The following SEC16A variants were observed in gnomAD, a reference collection of about 807,000 sequenced individuals.
SEC16A encodes the protein SEC16 homolog A, endoplasmic reticulum export factor.
A neutral mutation model predicts 221.9 loss-of-function variants in SEC16A; 110 were observed. The observed-to-expected ratio is 0.50, with a 90% CI of 0.42 to 0.58. The LOEUF (loss-of-function observed/expected upper bound fraction) is 0.58, where lower values mean the gene tolerates loss of function less well. Ranked by LOEUF, SEC16A falls within the 20% of genes least tolerant of loss-of-function variation. SEC16A has a pLI of 0.00. For synonymous variants in SEC16A, 1,393 were observed against 1,257.7 expected, an observed-to-expected ratio of 1.11 and a Z score of -2.28; for missense variants, 3,165 against 3,097.8, an observed-to-expected ratio of 1.02 and a Z score of -0.52.
At chr9:136,443,786 T>A in intron 31 of SEC16A, 37 bp downstream of exon 31, 1 of 1,538,252 alleles carries the variant, frequency 6.5e-7, no homozygotes, top group Non-Finnish European at 9.0e-7. Context: ...TCAGTGGGCG[T>A]GTTAGGGTCT....
upstream of SEC16A, chr9:136,483,835 G>T (rs1030444476): frequency 3.1e-6 from 3 of 979,298 alleles, no homozygotes; most frequent in South Asian, 4.7e-5. Flanking sequence ...CGGAGCTGCG[G>T]GACGCGGAGG....
chr9:136,449,737 C>G (rs1289014399), intron 23 of SEC16A, among the ~76,000 whole-genome samples: 1 of 152,212 alleles, frequency 6.6e-6, no homozygotes, highest in African/African-American at 2.4e-5. Flanking sequence ...GACAAGCTGT[C>G]CCGGGGAGGC....
intron 3 of SEC16A, among the ~76,000 whole-genome samples, chr9:136,473,567 T>C (rs151193413): frequency 8.5e-5 from 13 of 152,390 alleles, no homozygotes; most frequent in Admixed American, 2.0e-4. Flanking sequence ...AGCTGATGCG[T>C]GTGGCTCATG....
Position 136,477,061 on chromosome 9 carries a change from G to C in SEC16A, c.555C>G (p.Pro185=), listed in dbSNP as rs1195812950. 1 of 1,613,836 alleles carries C rather than the reference G, an allele frequency of 6.2e-7. No homozygotes were observed. Among genetic ancestry groups the C allele is most frequent in the Non-Finnish European group, 8.5e-7 (1 of 1,179,900 alleles). The change falls in exon 3 of 32, where the codon CCC becomes CCG. Residue 185 remains proline (P), a synonymous_variant. Transcript: ENST00000684901. ...CGTCATGTGGGTTTTGCCTGCTCAG[G>C]GGTCGGTCGAGCCCAGGCATGTTCC... ...PHGNMPGLDR[P]LSRQNPHDGV...
chr9:136,477,930 T>C (rs1174558815), intron 2 of SEC16A, among the ~76,000 whole-genome samples: 3 of 152,078 alleles, frequency 2.0e-5, no homozygotes, highest in Non-Finnish European at 1.5e-5. Context: ...TATGTCTAGA[T>C]GGCCACTCCC....
rs781730743 is a variant in SEC16A at position 136,463,617 on chromosome 9, A to G, written c.4509-16T>C. The G allele has an allele frequency of 1.0e-4, 163 of 1,613,638 alleles. No homozygotes were observed. The highest frequency in any genetic ancestry group is 7.6e-6 in the Non-Finnish European group (9 of 1,179,786). ...GGTGTCGTCTCTGCAGAAAGAACAC[A>G]CAGTGAGCAGTGATGTCTGCAAGGC... On this transcript the variant is annotated splice_polypyrimidine_tract_variant and intron_variant, in intron 10 of 31. Transcript: ENST00000684901.
Position 136,463,250 on chromosome 9 carries a change from G to C in SEC16A, c.4648-118C>G, listed in dbSNP as rs930721005. On this transcript the variant is annotated intron_variant, in intron 11 of 31. Coordinates refer to ENST00000684901, the MANE Select transcript of SEC16A (RefSeq NM_014866.2). ...AGCCAGACCCACAACTACCCGAAAGGCTGGCAAGGCTGGGCTGAAACCTCA... is the reference window on the plus strand; with the variant it reads ...AGCCAGACCCACAACTACCCGAAAGCCTGGCAAGGCTGGGCTGAAACCTCA... 2.1e-6 allele frequency: 3 copies of C among 1,417,060 alleles called. No individual in the cohort carries two copies. The African/African-American group carries it at 4.2e-5, about 20-fold the overall frequency. The allele number at this position is 1,417,060 out of a possible 1,614,324, so 87.8% of individuals were successfully genotyped here. A position where few individuals can be genotyped will look rare whatever the true frequency, so the allele number is the denominator to read the frequency against.
Position 136,476,381 on chromosome 9 carries a change from G to A in SEC16A, c.1235C>T (p.Pro412Leu), listed in dbSNP as rs776293499. 59 of 1,612,678 alleles carry A rather than the reference G, an allele frequency of 3.7e-5. 1 individual carries two copies. The South Asian group carries it at 4.3e-4, about 12-fold the overall frequency. Residue 412 changes from proline (P) to leucine (L), a missense_variant, in exon 3 of 32, where the codon CCG becomes CTG. Physicochemically the swap from Pro to Leu is moderately conservative, Grantham distance 98 (BLOSUM62 -3). Around this residue, in one of 3 missense-constraint regions of SEC16A, gnomAD observed 2,030 missense variants for 1,923.1 expected, o/e 1.06. Coordinates refer to ENST00000684901, the MANE Select transcript of SEC16A (RefSeq NM_014866.2). ...TGCCCCCACGTGTGTAGGTGCGGGC[G>A]GACGGCCTAGCCCAGGGCTGGAGCA... Reference protein sequence around the residue: ...DFCSSPGLGRPPAPTHVGAGS... With the variant: ...DFCSSPGLGRLPAPTHVGAGS...
rs45602232 is a variant in SEC16A at position 136,459,623 on chromosome 9, G to A, written c.5192-68C>T. The A allele has an allele frequency of 1.7e-3, 2,409 of 1,383,032 alleles. 6 individuals are homozygous for A. Among genetic ancestry groups the A allele is most frequent in the Non-Finnish European group, 2.3e-3 (2,321 of 998,410 alleles). The allele number at this position is 1,383,032 out of a possible 1,614,324, so 85.7% of individuals were successfully genotyped here. ...GGGAGCGCTTGCAGAAGTCAAGGAC[G>A]CGCACAGAAGGCACCAGAGACGCCA... On this transcript the variant is annotated intron_variant, in intron 15 of 31. Coordinates refer to ENST00000684901, the MANE Select transcript of SEC16A (RefSeq NM_014866.2). This position sits in a 1 kb window ranked among gnomAD's most constrained non-coding sequence, Gnocchi z 6.1.
In SEC16A at chr9:136,475,864, G is replaced by A. The variant is rs1841556382; in HGVS notation, c.1752C>T (p.Tyr584=). 1.3e-6 allele frequency: 2 copies of A among 1,597,254 alleles called. No individual in the cohort carries two copies. Among genetic ancestry groups the A allele is most frequent in the Non-Finnish European group, 1.7e-6 (2 of 1,171,662 alleles). The change falls in exon 3 of 32, where the codon TAC becomes TAT. Residue 584 remains tyrosine (Y), a synonymous_variant. Coordinates refer to ENST00000684901, the MANE Select transcript of SEC16A (RefSeq NM_014866.2). This position sits in a 1 kb window ranked among gnomAD's most constrained non-coding sequence, Gnocchi z 5.0. ...ETDETTVSQN[Y]RGSVSQPSTP... ...TTGAGGGCTGGGACACGCTGCCACGGTAATTCTGGCTCACAGTGGTCTCGT... is the reference window on the plus strand; with the variant it reads ...TTGAGGGCTGGGACACGCTGCCACGATAATTCTGGCTCACAGTGGTCTCGT...
intron 23 of SEC16A, among the ~76,000 whole-genome samples, chr9:136,449,110 C>T (rs544097279): frequency 3.9e-5 from 6 of 152,354 alleles, no homozygotes; most frequent in African/African-American, 7.2e-5. Flanking sequence ...AAGCTTCCGA[C>T]GTCCTCCCCT....
chr9:136,483,672 A>C (rs891541746), upstream of SEC16A: 5 of 985,458 alleles, frequency 5.1e-6, no homozygotes, highest in African/African-American at 8.7e-5. Context: ...ATCAGTCTGC[A>C]GGACCGATGC....
Position 136,440,222 on chromosome 9 carries a change from C to A in SEC16A, c.*1533G>T, listed in dbSNP as rs1836040698. Reference sequence around the variant, plus strand: ...GAATCAAAAGTCGTGGCAGTCGACCCCAGAACAGCGGGCAGAGCCGACCGG... The same window carrying A: ...GAATCAAAAGTCGTGGCAGTCGACCACAGAACAGCGGGCAGAGCCGACCGG... On this transcript the variant is annotated 3_prime_UTR_variant, in exon 32 of 32. Transcript: ENST00000684901. 6.6e-6 allele frequency: 1 copy of A among 152,382 alleles called. No individual in the cohort carries two copies. The highest frequency in any genetic ancestry group is 2.4e-5 in the African/African-American group (1 of 41,474). 9.4% of individuals were successfully genotyped at this position (152,382 alleles called of 1,614,324 possible).
chr9:136,466,337 T>C lies in SEC16A; in HGVS notation c.4055A>G (p.His1352Arg), dbSNP rs1588964284. The change falls in exon 7 of 32, where the codon CAC becomes CGC. Residue 1352 changes from histidine to arginine, a missense_variant. Transcript: ENST00000684901. This position sits in a 1 kb window ranked among gnomAD's most constrained non-coding sequence, Gnocchi z 5.5. ...TGCGCTGTGCAGGCTCCGTGCCGAG[T>C]GCTCGCTGTGGACGCTGCGCCGGTC... ...EVDRRSVHSEHSARSLHSAHS... is the reference protein window; with the variant it reads ...EVDRRSVHSERSARSLHSAHS... The C allele has an allele frequency of 3.2e-6, 5 of 1,575,076 alleles. No homozygotes were observed. The highest frequency in any genetic ancestry group is 2.4e-5 in the East Asian group (1 of 42,398).
chr9:136,468,582 A>G (rs1840452187), intron 4 of SEC16A, 70 bp from the exon 5 acceptor site: 11 of 1,006,020 alleles, frequency 1.1e-5, no homozygotes, highest in Non-Finnish European at 1.6e-5. Flanking sequence ...AGCCAATACA[A>G]ATCATTCCCA....
chr9:136,483,861 G>T, upstream of SEC16A: 1 of 948,034 alleles, frequency 1.1e-6, no homozygotes, highest in Non-Finnish European at 1.3e-6. Context: ...CTGCGCCTGC[G>T]CGCTGGTTGC....
At chr9:136,463,880 C>A in intron 9 of SEC16A, 140 bp from the exon 10 acceptor site, 1 of 844,068 alleles carries the variant, frequency 1.2e-6, no homozygotes. Context: ...CAGGTGAAGG[C>A]TCTGTCGAGG....
At position 136,476,332 on chromosome 9, in the gene SEC16A, G is replaced by A. The variant is rs1381773560; in HGVS notation, c.1284C>T (p.Leu428=). The part of the protein sequence containing the change: ...VGAGSLCQAL[L]PGPSNEAAGD... Reference sequence around the variant, plus strand: ...CAGCAGCCTCATTGCTGGGGCCTGGGAGAAGGGCCTGGCAGAGGCTGCCTG... The same window carrying A: ...CAGCAGCCTCATTGCTGGGGCCTGGAAGAAGGGCCTGGCAGAGGCTGCCTG... Residue 428 remains leucine, a synonymous_variant, in exon 3 of 32, where the codon CTC becomes CTT. Coordinates refer to ENST00000684901, the MANE Select transcript of SEC16A (RefSeq NM_014866.2). 3 of 1,612,870 alleles carry A rather than the reference G, an allele frequency of 1.9e-6. No individual in the cohort carries two copies. The highest frequency in any genetic ancestry group is 1.1e-5 in the South Asian group (1 of 91,076).
At chr9:136,450,196 C>T (rs991232767) in intron 23 of SEC16A, among the ~76,000 whole-genome samples, 1 of 151,898 alleles carries the variant, frequency 6.6e-6, no homozygotes, top group Non-Finnish European at 1.5e-5. Flanking sequence ...AGAGTGAGAC[C>T]CTGTCTCAAA....
Sources: allele counts gnomAD v4.1 joint callset (sites outside exome capture counted in the v4.1 genomes callset), GRCh38; gene constraint gnomAD v4.1.1; regional missense constraint gnomAD v4.1.1; non-coding constraint Gnocchi (gnomAD v3.1); transcripts MANE v1.5; gene names NCBI Gene and HGNC (gene_info 2026-07-23, HGNC 2026-07-21).